FOXO1: variants seen among roughly 807,000 people sequenced by gnomAD.
FOXO1 encodes forkhead box protein O1.
A neutral mutation model predicts 44.1 loss-of-function variants in FOXO1; 6 were observed. That is an observed-to-expected ratio of 0.14 (90% confidence interval 0.07 to 0.27). FOXO1 has a LOEUF of 0.27. Among genes scored for constraint, FOXO1 ranks in the 10% least tolerant of loss-of-function variants. The pLI is 1.00. For missense variants in FOXO1, 737 were observed against 888.8 expected (o/e 0.83, Z 2.17); for synonymous variants, 380 against 362.7 (o/e 1.05, Z -0.54).
intron 1 of FOXO1, chr13:40,621,272 C>A: frequency 1.2e-6 from 1 of 803,986 alleles, no homozygotes; most frequent in Non-Finnish European, 1.9e-6. Context: ...ATTGTACTGA[C>A]CGATGGCTCT....
intron 1 of FOXO1, among the ~76,000 whole-genome samples, chr13:40,579,349 C>A (rs1189931403): frequency 1.3e-5 from 2 of 152,198 alleles, no homozygotes; most frequent in African/African-American, 2.4e-5. Context: ...ACCAGACAAT[C>A]CACGCCAGGT....
intron 1 of FOXO1, among the ~76,000 whole-genome samples, chr13:40,655,682 G>C (rs1292421228): frequency 7.6e-6 from 1 of 132,194 alleles, no homozygotes; most frequent in Non-Finnish European, 1.5e-5. Context: ...TGTCGCCCAG[G>C]CTCAGGCCGG....
chr13:40,633,348 T>G (rs993232010), intron 1 of FOXO1, among the ~76,000 whole-genome samples: 1 of 152,210 alleles, frequency 6.6e-6, no homozygotes, highest in Non-Finnish European at 1.5e-5. Context: ...AGCAATAATT[T>G]TGAAATGTGG....
Position 40,560,795 on chromosome 13 carries a change from T to G in FOXO1, c.696A>C (p.Gly232=). The change falls in exon 2 of 3, where the codon GGA becomes GGC. Residue 232 remains glycine (G), a synonymous_variant. Transcript: ENST00000379561. This position sits in a 1 kb window ranked among gnomAD's most constrained non-coding sequence, Gnocchi z 5.1. ...GATTGAGCATCCACCAAGAACTTTT[T>G]CCAGTTCCTTCATTCTGCACACGAA... The part of the protein sequence containing the change: ...KFIRVQNEGT[G]KSSWWMLNPE... 1 of 1,614,176 alleles carries G rather than the reference T, an allele frequency of 6.2e-7. No individual in the cohort carries two copies. The highest frequency in any genetic ancestry group is 8.5e-7 in the Non-Finnish European group (1 of 1,180,014).
At chr13:40,620,656 C>G (rs1876577995) in intron 1 of FOXO1, among the ~76,000 whole-genome samples, 1 of 152,072 alleles carries the variant, frequency 6.6e-6, no homozygotes, top group African/African-American at 2.4e-5. Flanking sequence ...ACGGGACAGG[C>G]AGGCCCAAGG....
chr13:40,647,660 G>A (rs565166901), intron 1 of FOXO1, among the ~76,000 whole-genome samples: 4 of 152,126 alleles, frequency 2.6e-5, no homozygotes, highest in South Asian at 2.1e-4. Context: ...CAGCCTCAGC[G>A]TCCCAGAGTG....
At chr13:40,618,899 C>A in intron 1 of FOXO1, 1 of 525,738 alleles carries the variant, frequency 1.9e-6, no homozygotes, top group African/African-American at 1.9e-5. Flanking sequence ...GGACCATAAT[C>A]TTTTAGGCTC....
chr13:40,657,340 TG>T (rs1221995684), intron 1 of FOXO1, among the ~76,000 whole-genome samples: 14 of 135,478 alleles, frequency 1.0e-4, no homozygotes, highest in Non-Finnish European at 1.5e-5. Context: ...TTTTTTGAGA[TG>T]GGAGTCTTGC....
intron 1 of FOXO1, among the ~76,000 whole-genome samples, chr13:40,605,064 T>C (rs944039053): frequency 2.0e-5 from 3 of 151,794 alleles, no homozygotes; most frequent in African/African-American, 7.2e-5. Flanking sequence ...TCATTTACTT[T>C]TAAAAACCTG....
chr13:40,665,556 G>T, intron 1 of FOXO1, 27 bp downstream of exon 1: 2 of 1,360,152 alleles, frequency 1.5e-6, no homozygotes, highest in Non-Finnish European at 1.9e-6. Flanking sequence ...CGCCCCCAAG[G>T]TCCGGCCGCG....
chr13:40,657,867 C>T (rs571860998), intron 1 of FOXO1, among the ~76,000 whole-genome samples: 1 of 152,242 alleles, frequency 6.6e-6, no homozygotes, highest in South Asian at 2.1e-4. Flanking sequence ...CTGTTGAAAA[C>T]AAAATAATCA....
At position 40,666,413 on chromosome 13, in the gene FOXO1, A is replaced by C; in HGVS notation, c.-201T>G. 2.4e-6 allele frequency: 1 copy of C among 416,486 alleles called. No individual in the cohort carries two copies. 25.8% of individuals were successfully genotyped at this position (416,486 alleles called of 1,614,324 possible). On this transcript the variant is annotated 5_prime_UTR_variant, in exon 1 of 3. The change abolishes an upstream ATG in the 5' untranslated region. Coordinates refer to ENST00000379561, the MANE Select transcript of FOXO1 (RefSeq NM_002015.4). The stretch of plus-strand genomic sequence containing the variant: ...AACTTAACTTCGCGGGGCCATCCAC[A>C]TCGAGGCTCCTCGGGGTCCGCCGCA...
chr13:40,617,430 C>T (rs994260059), intron 1 of FOXO1, among the ~76,000 whole-genome samples: 8 of 149,092 alleles, frequency 5.4e-5, no homozygotes, highest in African/African-American at 9.9e-5. Context: ...AGCAAAACTC[C>T]GTCTCAAAAA....
chr13:40,574,699 A>T (rs1874676250), intron 1 of FOXO1, among the ~76,000 whole-genome samples: 1 of 152,156 alleles, frequency 6.6e-6, no homozygotes, highest in African/African-American at 2.4e-5. Flanking sequence ...TTTCATTTTG[A>T]TTACTGAGAA....
intron 1 of FOXO1, among the ~76,000 whole-genome samples, chr13:40,598,399 T>C (rs1040898623): frequency 6.6e-6 from 1 of 152,092 alleles, no homozygotes; most frequent in South Asian, 2.1e-4. Context: ...AAAATTCTGA[T>C]TGAATTCATG....
intron 1 of FOXO1, among the ~76,000 whole-genome samples, chr13:40,598,729 A>G (rs763368626): frequency 6.4e-4 from 98 of 152,348 alleles, no homozygotes; most frequent in Middle Eastern, 3.4e-3. Context: ...TTCTGAGGCC[A>G]GCAGCACTGG....
chr13:40,625,112 C>A (rs1876744903), intron 1 of FOXO1, among the ~76,000 whole-genome samples: 1 of 152,136 alleles, frequency 6.6e-6, no homozygotes, highest in South Asian at 2.1e-4. Context: ...CACTTTAATG[C>A]AATGGAATTA....
chr13:40,637,137 A>G (rs1054148789), intron 1 of FOXO1, among the ~76,000 whole-genome samples: 5 of 152,078 alleles, frequency 3.3e-5, no homozygotes, highest in African/African-American at 1.2e-4. Context: ...TGGCAGTGGC[A>G]ATTGATCCCA....
At position 40,599,722 on chromosome 13, in the gene FOXO1, G is replaced by A. The variant is rs144064542; in HGVS notation, c.631-38862C>T. ...GAGGGAGTGCCCCTCCTCCGGCCTC[G>A]GAGGGGTGGTAGAGGAATCTGTAGG... On this transcript the variant is annotated intron_variant, in intron 1 of 2. Coordinates refer to ENST00000379561, the MANE Select transcript of FOXO1 (RefSeq NM_002015.4). Among the ~76,000 whole-genome samples, 9 of 152,248 alleles carry A rather than the reference G, an allele frequency of 5.9e-5. 1 individual carries two copies. Among genetic ancestry groups the A allele is most frequent in the African/African-American group, 2.2e-4 (9 of 41,540 alleles).
Sources: gnomAD v4.1 joint callset for allele counts (sites outside exome capture counted in the v4.1 genomes callset) on GRCh38, gnomAD v4.1.1 for gene constraint, Gnocchi (gnomAD v3.1) non-coding constraint, MANE v1.5 for transcripts, NCBI Gene and HGNC (gene_info 2026-07-23, HGNC 2026-07-21) for gene names.